The following FRMPD4 variants were observed in gnomAD, a reference collection of about 807,000 sequenced individuals.
FRMPD4 encodes the protein FERM and PDZ domain containing 4.
A neutral mutation model predicts 94.1 loss-of-function variants in FRMPD4; 22 were observed. That is an observed-to-expected ratio of 0.23 (90% CI 0.17 to 0.33). The LOEUF is 0.33. Ranked by LOEUF, FRMPD4 falls within the 10% of genes least tolerant of loss-of-function variation. The pLI is 1.00. For synonymous variants in FRMPD4, 631 were observed against 548.6 expected, an observed-to-expected ratio of 1.15 and a Z score of -2.10; for missense variants, 1,111 against 1,339.9, an observed-to-expected ratio of 0.83 and a Z score of 2.67.
intron 3 of FRMPD4, among the ~76,000 whole-genome samples, chrX:11,965,804 C>T: frequency 8.9e-6 from 1 of 112,109 alleles, no homozygotes; most frequent in East Asian, 2.8e-4. Context: ...TTAGCTATTT[C>T]CACCCCAGTA....
In FRMPD4 at chrX:12,716,238, G is replaced by A. The variant is rs1352578567; in HGVS notation, c.1779G>A (p.Arg593=). 3.3e-6 allele frequency: 4 copies of A among 1,208,481 alleles called. No homozygotes were observed. The South Asian group carries it at 5.3e-5, about 16-fold the overall frequency. Residue 593 remains arginine, a synonymous_variant, in exon 15 of 17, where the codon CGG becomes CGA. Transcript: ENST00000675598. ...GCACCATGTGTCCAAAAGAGCACCG[G>A]CACTTGTACATAGACAATGCCTATA... The part of the protein sequence containing the change: ...TDSTMCPKEH[R]HLYIDNAYSS...
At chrX:12,246,748 T>A (rs1456091487) in intron 1 of FRMPD4, among the ~76,000 whole-genome samples, 1 of 111,151 alleles carries the variant, frequency 9.0e-6, no homozygotes, top group Non-Finnish European at 1.9e-5. Flanking sequence ...CAGTGTAGCA[T>A]TTTTTAGCAC....
At chrX:12,562,071 A>C (rs186996497) in intron 2 of FRMPD4, among the ~76,000 whole-genome samples, 2 of 112,141 alleles carry the variant, frequency 1.8e-5, no homozygotes, top group Admixed American at 1.9e-4. Flanking sequence ...GAAGTAAGCC[A>C]AATTTATTCA....
chrX:12,097,078 T>C (rs1285284772), intron 3 of FRMPD4, among the ~76,000 whole-genome samples: 1 of 112,152 alleles, frequency 8.9e-6, no homozygotes, highest in Non-Finnish European at 1.9e-5. Context: ...CTCACTCTAC[T>C]GAAATGGAGG....
At chrX:11,933,260 T>C (rs1232868014) in intron 3 of FRMPD4, among the ~76,000 whole-genome samples, 1 of 112,394 alleles carries the variant, frequency 8.9e-6, no homozygotes, top group Non-Finnish European at 1.9e-5. Context: ...TGTTTCTTCC[T>C]CTTTAAAGAT....
At chrX:12,118,995 C>T (rs977369200) in intron 3 of FRMPD4, among the ~76,000 whole-genome samples, 1 of 111,134 alleles carries the variant, frequency 9.0e-6, no homozygotes, top group African/African-American at 3.3e-5. Context: ...CCTTCCCCAC[C>T]ACAGACTGAC....
intron 3 of FRMPD4, among the ~76,000 whole-genome samples, chrX:11,879,910 G>A (rs144432893): frequency 0.016 from 1,807 of 112,291 alleles, 87 homozygotes; most frequent in East Asian, 0.12. Flanking sequence ...TTCCAATGGA[G>A]CAATTGAGGT....
chrX:11,919,318 T>G (rs2054042986), intron 3 of FRMPD4, among the ~76,000 whole-genome samples: 1 of 112,632 alleles, frequency 8.9e-6, no homozygotes, highest in South Asian at 3.7e-4. Flanking sequence ...GCAAAGGGTT[T>G]GGTTATATGC....
rs111429449 is a variant in FRMPD4, at chrX:12,511,550, A to G, written c.158+12754A>G. Among the ~76,000 whole-genome samples the G allele has an allele frequency of 2.9e-3, 325 of 111,847 alleles. 2 individuals are homozygous for G. Among genetic ancestry groups the G allele is most frequent in the African/African-American group, 0.01 (310 of 30,861 alleles). On this transcript the variant is annotated intron_variant, in intron 2 of 16. Coordinates refer to ENST00000675598, the MANE Select transcript of FRMPD4 (RefSeq NM_001368397.1). ...AGAAGACTGGATTTGACAGAAAAAA[A>G]AAACAAACTTAAAGACAGATTATTA...
chrX:11,843,975 A>AAG (rs2053557396), intron 1 of FRMPD4, among the ~76,000 whole-genome samples: 1 of 93,684 alleles, frequency 1.1e-5, no homozygotes, highest in African/African-American at 4.1e-5. Flanking sequence ...ATAGTTATGA[A>AAG]TTCTTTTTTT....
intron 4 of FRMPD4, among the ~76,000 whole-genome samples, chrX:12,641,693 T>C (rs770173629): frequency 8.9e-6 from 1 of 112,627 alleles, no homozygotes; most frequent in South Asian, 3.7e-4. Flanking sequence ...CCACATTTAT[T>C]AATGATTATC....
At chrX:12,382,122 G>A (rs745788139) in intron 1 of FRMPD4, among the ~76,000 whole-genome samples, 1 of 111,710 alleles carries the variant, frequency 9.0e-6, no homozygotes, top group Admixed American at 9.5e-5. Flanking sequence ...AGGCTGATGT[G>A]AGATGAGAAT....
intron 3 of FRMPD4, among the ~76,000 whole-genome samples, chrX:12,096,169 A>T (rs377594760): frequency 2.0e-4 from 23 of 112,643 alleles, no homozygotes; most frequent in African/African-American, 7.4e-4. Context: ...TATCGGAAAC[A>T]GGTATAATAT....
At chrX:12,651,078 T>G (rs772077243) in intron 4 of FRMPD4, among the ~76,000 whole-genome samples, 7 of 112,496 alleles carry the variant, frequency 6.2e-5, no homozygotes, top group Non-Finnish European at 1.3e-4. Context: ...ATGATGGAAA[T>G]GATACCAAAA....
intron 1 of FRMPD4, among the ~76,000 whole-genome samples, chrX:12,231,055 A>G (rs2057000171): frequency 1.5e-5 from 1 of 67,100 alleles, no homozygotes. Context: ...TATAAAATAT[A>G]TATATATATA....
chrX:12,140,884 C>G (rs2055680137), intron 1 of FRMPD4, among the ~76,000 whole-genome samples: 1 of 111,820 alleles, frequency 8.9e-6, no homozygotes, highest in South Asian at 3.8e-4. Context: ...GTTTCACTTT[C>G]TATCCTTAAT....
intron 1 of FRMPD4, among the ~76,000 whole-genome samples, chrX:12,223,510 C>G (rs1299138180): frequency 9.0e-6 from 1 of 111,535 alleles, no homozygotes; most frequent in African/African-American, 3.3e-5. Context: ...TGCTCACTAC[C>G]TAGGTGATGA....
At chrX:11,991,517 C>A in intron 3 of FRMPD4, among the ~76,000 whole-genome samples, 1 of 111,643 alleles carries the variant, frequency 9.0e-6, no homozygotes, top group Non-Finnish European at 1.9e-5. Context: ...GTACACTATA[C>A]TAGAATTTCT....
At chrX:11,990,527 A>G (rs2054458126) in intron 3 of FRMPD4, among the ~76,000 whole-genome samples, 1 of 112,422 alleles carries the variant, frequency 8.9e-6, no homozygotes, top group African/African-American at 3.2e-5. Flanking sequence ...ATAGACATTG[A>G]AAACCCCTAA....
Sources: allele counts gnomAD v4.1 joint callset (sites outside exome capture counted in the v4.1 genomes callset), GRCh38; gene constraint gnomAD v4.1.1; transcripts MANE v1.5; gene names NCBI Gene and HGNC (gene_info 2026-07-23, HGNC 2026-07-21).